The following EYA2 variants were observed in gnomAD, a reference collection of about 807,000 sequenced individuals.
The protein encoded by EYA2 is protein phosphatase EYA2.
A neutral mutation model predicts 69.2 loss-of-function variants in EYA2; 31 were observed. That is an observed-to-expected ratio of 0.45 (90% CI 0.34 to 0.60). EYA2 has a LOEUF of 0.60. Ranked by LOEUF, EYA2 falls within the 20% of genes least tolerant of loss-of-function variation. EYA2 has a pLI of 0.02. For missense variants in EYA2, 622 were observed against 701.2 expected, an observed-to-expected ratio of 0.89 and a Z score of 1.28; for synonymous variants, 257 against 279.4, an observed-to-expected ratio of 0.92 and a Z score of 0.80.
chr20:46,949,844 A>T (rs547345274), intron 1 of EYA2, among the ~76,000 whole-genome samples: 6 of 152,244 alleles, frequency 3.9e-5, no homozygotes, highest in Non-Finnish European at 7.3e-5. Flanking sequence ...TGGCTGTGCC[A>T]CTTACCCACT....
At chr20:47,173,089 G>A (rs2034358190) in intron 12 of EYA2, among the ~76,000 whole-genome samples, 1 of 152,184 alleles carries the variant, frequency 6.6e-6, no homozygotes, top group South Asian at 2.1e-4. Context: ...TCTGGTCCAA[G>A]ATCCTTCAGG....
intron 5 of EYA2, among the ~76,000 whole-genome samples, chr20:47,035,441 G>A (rs979880871): frequency 9.9e-5 from 15 of 152,070 alleles, no homozygotes; most frequent in African/African-American, 3.6e-4. Context: ...GAAGCAGACC[G>A]TACCAAATTG....
chr20:47,078,878 T>G (rs907783076), intron 7 of EYA2, among the ~76,000 whole-genome samples: 1 of 152,220 alleles, frequency 6.6e-6, no homozygotes, highest in African/African-American at 2.4e-5. Context: ...CTAACAAAAT[T>G]TAAAATGCAT....
At chr20:47,158,786 T>G (rs1191329938) in intron 10 of EYA2, among the ~76,000 whole-genome samples, 21 of 151,536 alleles carry the variant, frequency 1.4e-4, no homozygotes, top group Admixed American at 1.2e-3. Flanking sequence ...AGGATCCAAC[T>G]GAAAAGAGTT....
chr20:47,081,443 G>A (rs6018264), intron 7 of EYA2, among the ~76,000 whole-genome samples: 131,658 of 152,032 alleles, frequency 0.87, 58,873 homozygotes, highest in Non-Finnish European at 0.98. Flanking sequence ...TATTTGTCCA[G>A]TTAACAAATC....
In EYA2 at chr20:47,129,338, T is replaced by C. The variant is rs571878877; in HGVS notation, c.889-13721T>C. Among the ~76,000 whole-genome samples the C allele has an allele frequency of 5.1e-4, 78 of 152,276 alleles. 1 individual carries two copies. In the Middle Eastern group the frequency reaches 0.01, roughly 20 times the overall value. ...GTGGAGTGAGTGGGGAGGAGTATGT[T>C]AGTTTATTTCATAGGGAATGGTCAG... On this transcript the variant is annotated intron_variant, in intron 9 of 15. Coordinates refer to ENST00000327619, the MANE Select transcript of EYA2 (RefSeq NM_005244.5).
Position 47,005,298 on chromosome 20 carries a change from C to T in EYA2, c.298+214C>T, listed in dbSNP as rs572470030. On this transcript the variant is annotated intron_variant, in intron 4 of 15. Coordinates refer to ENST00000327619, the MANE Select transcript of EYA2 (RefSeq NM_005244.5). ...TTGATGGCAAGAATTGGAAATTGAA[C>T]CCAAGCTGGTTTAGGGAAAATTGGG... Among the ~76,000 whole-genome samples the T allele has an allele frequency of 1.1e-4, 17 of 152,300 alleles. No homozygotes were observed. The South Asian group carries it at 3.3e-3, about 30-fold the overall frequency.
intron 1 of EYA2, among the ~76,000 whole-genome samples, chr20:46,917,614 T>C (rs1307822174): frequency 5.9e-5 from 9 of 152,196 alleles, no homozygotes; most frequent in African/African-American, 1.9e-4. Context: ...AAAGCCAATA[T>C]CGCAGTAAAG....
At chr20:46,923,694 G>GTA (rs1491070580) in intron 1 of EYA2, among the ~76,000 whole-genome samples, 2 of 151,020 alleles carry the variant, frequency 1.3e-5, no homozygotes, top group East Asian at 1.9e-4. Flanking sequence ...CGTGTGCTGG[G>GTA]TGTGTGTGTG....
intron 5 of EYA2, among the ~76,000 whole-genome samples, chr20:47,054,771 T>C (rs1340278965): frequency 6.6e-6 from 1 of 152,230 alleles, no homozygotes; most frequent in African/African-American, 2.4e-5. Context: ...TGCCAGGCCC[T>C]GCTTCTGTCT....
intron 1 of EYA2, among the ~76,000 whole-genome samples, chr20:46,933,332 C>T (rs571240841): frequency 5.8e-4 from 88 of 152,324 alleles, no homozygotes; most frequent in African/African-American, 1.9e-3. Flanking sequence ...GGAGAACATC[C>T]GTGCAAAGAG....
At chr20:47,027,951 G>A (rs1005952987) in intron 5 of EYA2, among the ~76,000 whole-genome samples, 6 of 152,108 alleles carry the variant, frequency 3.9e-5, no homozygotes, top group African/African-American at 1.2e-4. Flanking sequence ...ATTGTTTCCC[G>A]CCCCTAAAAT....
In EYA2 at chr20:47,138,213, T is replaced by G. The variant is rs542544196; in HGVS notation, c.889-4846T>G. Among the ~76,000 whole-genome samples the G allele has an allele frequency of 1.1e-4, 16 of 152,292 alleles. 1 individual carries two copies. The highest frequency in any genetic ancestry group is 1.9e-4 in the Non-Finnish European group (13 of 68,026). On this transcript the variant is annotated intron_variant, in intron 9 of 15. Transcript: ENST00000327619. Reference sequence around the variant, plus strand: ...ACACTGTGTTACTTGACTCCTGAGTTAGCCTTGCTTTTCTGAGGCTATTCC... The same window carrying G: ...ACACTGTGTTACTTGACTCCTGAGTGAGCCTTGCTTTTCTGAGGCTATTCC...
At chr20:47,112,720 A>G (rs912527837) in intron 9 of EYA2, among the ~76,000 whole-genome samples, 2 of 152,002 alleles carry the variant, frequency 1.3e-5, no homozygotes, top group African/African-American at 4.8e-5. Flanking sequence ...TTCCACAACC[A>G]CCTTCTTGAG....
At chr20:47,063,386 CGTGTGCGT>C (rs1454518945) in intron 5 of EYA2, among the ~76,000 whole-genome samples, 12 of 93,566 alleles carry the variant, frequency 1.3e-4, no homozygotes, top group African/African-American at 5.1e-4. Context: ...TGTGTGTGTG[CGTGTGCGT>C]GTGTGTGTGT....
chr20:46,965,007 G>A (rs548532413), intron 1 of EYA2, among the ~76,000 whole-genome samples: 3 of 152,284 alleles, frequency 2.0e-5, no homozygotes, highest in Non-Finnish European at 2.9e-5. Flanking sequence ...GCCACTAGAC[G>A]CCCAACTTGT....
chr20:46,937,737 G>C (rs1985977850), intron 1 of EYA2, among the ~76,000 whole-genome samples: 1 of 149,732 alleles, frequency 6.7e-6, no homozygotes, highest in Admixed American at 6.7e-5. Context: ...GAATTCCAGA[G>C]AGACCTTTCC....
intron 10 of EYA2, among the ~76,000 whole-genome samples, chr20:47,165,454 A>T (rs762659241): frequency 4.6e-5 from 7 of 152,022 alleles, no homozygotes; most frequent in Admixed American, 1.3e-4. Context: ...TTTAGCATCC[A>T]CTGTGTTCTT....
At chr20:47,180,545 G>T (rs2235906) in intron 13 of EYA2, among the ~76,000 whole-genome samples, 13 of 152,042 alleles carry the variant, frequency 8.6e-5, no homozygotes, top group African/African-American at 3.1e-4. Flanking sequence ...TACATTACCC[G>T]CAACTATTTA....
Sources: gnomAD v4.1 joint callset for allele counts (sites outside exome capture counted in the v4.1 genomes callset) on GRCh38, gnomAD v4.1.1 for gene constraint, MANE v1.5 for transcripts, NCBI Gene and HGNC (gene_info 2026-07-23, HGNC 2026-07-21) for gene names.